SOX6: variants seen among roughly 807,000 people sequenced by gnomAD.
SOX6 encodes the protein transcription factor SOX-6.
SOX6 carries 11 observed loss-of-function variants against 97.8 expected under a neutral mutation model. That is an observed-to-expected ratio of 0.11 (90% CI 0.07 to 0.19). The LOEUF (loss-of-function observed/expected upper bound fraction) is 0.19. SOX6 is among the 10% of genes least tolerant of loss of function. SOX6 has a pLI of 1.00. For synonymous variants in SOX6, 360 were observed against 371.4 expected (o/e 0.97, Z 0.35); for missense variants, 810 against 1,039.5 (o/e 0.78, Z 3.04).
At chr11:16,447,966 C>A (rs1859646324) in intron 1 of SOX6, among the ~76,000 whole-genome samples, 1 of 152,124 alleles carries the variant, frequency 6.6e-6, no homozygotes, top group African/African-American at 2.4e-5. Context: ...GTTAAGTAAC[C>A]CAGTCATTGC....
At chr11:16,090,371 T>C (rs1207245560) in intron 9 of SOX6, among the ~76,000 whole-genome samples, 1 of 152,052 alleles carries the variant, frequency 6.6e-6, no homozygotes, top group Non-Finnish European at 1.5e-5. Context: ...AAAAGCAAAG[T>C]TCCAAAAGAA....
At chr11:16,287,276 TCTCTCTCTCTCTCTCTCTCTCTCACACA>T (rs1484129666) in intron 3 of SOX6, among the ~76,000 whole-genome samples, 1 of 36,300 alleles carries the variant, frequency 2.8e-5, no homozygotes, top group Non-Finnish European at 7.3e-5. Context: ...TCTCTCTCTC[TCTCTCTCTCTCTCTCTCTCTCTCACACA>T]CACACACACA....
rs142975891 is a variant in SOX6 at position 16,403,922 on chromosome 11, C to T, written c.-4-62670G>A. Reference sequence around the variant, plus strand: ...TCAGGATAACCTGGAGAACAAGAAACCCAAAGGTTTCTAGATAATTATTCT... The same window carrying T: ...TCAGGATAACCTGGAGAACAAGAAATCCAAAGGTTTCTAGATAATTATTCT... On this transcript the variant is annotated intron_variant, in intron 1 of 15. Coordinates refer to the SOX6 transcript ENST00000396356. Among the ~76,000 whole-genome samples the T allele has an allele frequency of 2.0e-4, 30 of 151,642 alleles. 1 individual carries two copies. In the East Asian group the frequency reaches 5.8e-3, roughly 29 times the overall value.
chr11:15,989,666 G>T (rs1487936091), intron 13 of SOX6, among the ~76,000 whole-genome samples: 1 of 152,060 alleles, frequency 6.6e-6, no homozygotes, highest in African/African-American at 2.4e-5. Context: ...TCTTCTCACT[G>T]CCTAGAAGAC....
In SOX6 at chr11:15,972,514, T is replaced by G. The variant is rs1432286503; in HGVS notation, c.*295A>C. 7.3e-6 allele frequency: 3 copies of G among 410,464 alleles called. No individual in the cohort carries two copies. The highest frequency in any genetic ancestry group is 1.3e-5 in the Non-Finnish European group (3 of 226,374). The allele number at this position is 410,464 out of a possible 1,614,324, so 25.4% of individuals were successfully genotyped here. ...AGAAAAAAAAAGTAAGACAAAAATA[T>G]AAGACTTGTAAGACATCTACGGGTT... On this transcript the variant is annotated 3_prime_UTR_variant, in exon 16 of 16. Transcript: ENST00000683767.
chr11:16,081,471 T>A (rs1465442666), intron 9 of SOX6, among the ~76,000 whole-genome samples: 6 of 152,140 alleles, frequency 3.9e-5, no homozygotes, highest in Admixed American at 6.5e-5. Context: ...TTTTTCTAAA[T>A]CTTAATATCT....
At chr11:16,006,257 T>C (rs1226942737) in intron 13 of SOX6, among the ~76,000 whole-genome samples, 1 of 152,098 alleles carries the variant, frequency 6.6e-6, no homozygotes, top group Admixed American at 6.6e-5. Flanking sequence ...AACTACTGCA[T>C]TTCCATTATT....
At chr11:16,126,994 A>G (rs1849626552) in intron 6 of SOX6, among the ~76,000 whole-genome samples, 1 of 152,124 alleles carries the variant, frequency 6.6e-6, no homozygotes, top group African/African-American at 2.4e-5. Flanking sequence ...AGCAAGTGCT[A>G]TATCACCCCC....
At chr11:16,247,798 A>T (rs1330442177) in intron 3 of SOX6, among the ~76,000 whole-genome samples, 1 of 151,996 alleles carries the variant, frequency 6.6e-6, no homozygotes, top group Non-Finnish European at 1.5e-5. Flanking sequence ...GTCCCTCCCA[A>T]ATTTCATGTC....
chr11:16,430,641 C>A (rs1005413867), intron 1 of SOX6, among the ~76,000 whole-genome samples: 3 of 152,236 alleles, frequency 2.0e-5, no homozygotes, highest in Non-Finnish European at 4.4e-5. Context: ...GCTCACCAGA[C>A]AACAGATCAG....
intron 3 of SOX6, among the ~76,000 whole-genome samples, chr11:16,267,644 A>G (rs1211022653): frequency 1.3e-5 from 2 of 151,590 alleles, no homozygotes; most frequent in Non-Finnish European, 3.0e-5. Context: ...CAGGTTCCTG[A>G]AAAACCTAAA....
At chr11:16,360,229 G>A (rs1857175221), upstream of SOX6, among the ~76,000 whole-genome samples, 1 of 152,150 alleles carries the variant, frequency 6.6e-6, no homozygotes, top group African/African-American at 2.4e-5. Flanking sequence ...GGCATCACCA[G>A]AGTTTGGGTG....
At chr11:16,445,064 G>A (rs1244064011) in intron 1 of SOX6, among the ~76,000 whole-genome samples, 4 of 152,122 alleles carry the variant, frequency 2.6e-5, no homozygotes, top group African/African-American at 7.2e-5. Flanking sequence ...GTGAACCTAA[G>A]GTGTTATAGG....
intron 3 of SOX6, among the ~76,000 whole-genome samples, chr11:16,662,873 G>A (rs987463198): frequency 9.9e-5 from 15 of 151,836 alleles, no homozygotes; most frequent in African/African-American, 2.2e-4. Context: ...TGGGGGAGGC[G>A]GGGGAGATAG....
At position 16,037,201 on chromosome 11, in the gene SOX6, T is replaced by TTTAAAC. The variant is rs976826925; in HGVS notation, c.1623+9312_1623+9313insGTTTAA. Among the ~76,000 whole-genome samples the TTTAAAC allele has an allele frequency of 1.4e-4, 21 of 152,324 alleles. 1 individual carries two copies. Among genetic ancestry groups the TTTAAAC allele is most frequent in the Admixed American group, 9.2e-4 (14 of 15,290 alleles). ...CTTTGATTTCTTTCTGCAACTCAGA[T>TTTAAAC]ATTTAAAAAATGTTTAGTACAACAA... is the stretch of plus-strand genomic sequence containing the variant. On this transcript the variant is annotated intron_variant, in intron 12 of 15. Coordinates refer to ENST00000683767, the MANE Select transcript of SOX6 (RefSeq NM_001367873.1).
chr11:16,658,139 T>C (rs533677866), intron 3 of SOX6, among the ~76,000 whole-genome samples: 1 of 152,352 alleles, frequency 6.6e-6, no homozygotes, highest in Non-Finnish European at 1.5e-5. Context: ...TTCCCATTTG[T>C]TCTCATCCTC....
intron 1 of SOX6, among the ~76,000 whole-genome samples, chr11:16,438,174 A>G (rs1014119079): frequency 2.0e-5 from 3 of 152,150 alleles, no homozygotes; most frequent in Non-Finnish European, 4.4e-5. Context: ...ATATATGCAA[A>G]ATAAACTGCA....
intron 15 of SOX6, among the ~76,000 whole-genome samples, chr11:15,979,066 A>ATATATATATATATATATATAT (rs1564890454): frequency 3.3e-5 from 2 of 59,864 alleles, no homozygotes; most frequent in African/African-American, 1.3e-4. Flanking sequence ...TATATATATA[A>ATATATATATATATATATATAT]AACTGCTTAT....
chr11:16,512,480 G>T (rs1208551608), intron 4 of SOX6, among the ~76,000 whole-genome samples: 1 of 152,184 alleles, frequency 6.6e-6, no homozygotes, highest in African/African-American at 2.4e-5. Flanking sequence ...TGTTTGCAGT[G>T]TCTGAAAAGT....
Sources: gnomAD v4.1 joint callset for allele counts (sites outside exome capture counted in the v4.1 genomes callset) on GRCh38, gnomAD v4.1.1 for gene constraint, MANE v1.5 for transcripts, NCBI Gene and HGNC (gene_info 2026-07-23, HGNC 2026-07-21) for gene names.